Variants in GIGYF2 observed in about 807,000 individuals in gnomAD.
GIGYF2 encodes GRB10-interacting GYF protein 2.
A neutral mutation model predicts 208.1 loss-of-function variants in GIGYF2; 25 were observed. The ratio of observed to expected loss-of-function variants is 0.12; its 90% confidence interval spans 0.09 to 0.17. The LOEUF (loss-of-function observed/expected upper bound fraction) is 0.17. GIGYF2 is among the 10% of genes least tolerant of loss of function. GIGYF2 has a pLI of 1.00. For missense variants in GIGYF2, 1,302 were observed against 1,579.4 expected, an observed-to-expected ratio of 0.82 and a Z score of 2.98; for synonymous variants, 534 against 543.8, an observed-to-expected ratio of 0.98 and a Z score of 0.25.
At chr2:232,849,595 G>A (rs1284585594) in intron 27 of GIGYF2, among the ~76,000 whole-genome samples, 3 of 152,276 alleles carry the variant, frequency 2.0e-5, no homozygotes, top group South Asian at 2.1e-4. Flanking sequence ...ATGGGCGCAC[G>A]CATACACACA....
rs1574855601 is a variant in GIGYF2 at position 232,767,936 on chromosome 2, C to T, written c.532+6500C>T. The T allele has an allele frequency of 2.4e-5, 11 of 461,450 alleles. No homozygotes were observed. In the East Asian group the frequency reaches 4.6e-4, roughly 19 times the overall value. The allele number at this position is 461,450 out of a possible 1,614,324, so 28.6% of individuals were successfully genotyped here. On this transcript the variant is annotated intron_variant, in intron 8 of 28. Transcript: ENST00000373563. ...TCATACCACATTCTTATAAATTCAC[C>T]AGCAACATTTCTGTATAAGTGTCTG...
At chr2:232,855,614 TACCCTGAGTATCAAAAGCTCTGGGCCAG>T (rs1337896298) in intron 28 of GIGYF2, among the ~76,000 whole-genome samples, 26 of 152,318 alleles carry the variant, frequency 1.7e-4, no homozygotes, top group Non-Finnish European at 3.5e-4. Context: ...TGGAGCCTCT[TACCCTGAGTATCAAAAGCTCTGGGCCAG>T]AACTTTCATA....
chr2:232,828,242 C>T (rs1238041794), intron 21 of GIGYF2, among the ~76,000 whole-genome samples: 1 of 152,170 alleles, frequency 6.6e-6, no homozygotes, highest in African/African-American at 2.4e-5. Context: ...CTGCCTTGGC[C>T]TCCCAAAGTG....
chr2:232,843,985 A>T, intron 23 of GIGYF2, 61 bp from the exon 24 acceptor site: 1 of 1,475,266 alleles, frequency 6.8e-7, no homozygotes, highest in Non-Finnish European at 9.5e-7. Flanking sequence ...AGTATACTGG[A>T]TATTTATAAC....
At chr2:232,756,195 CTCTT>C (rs1698531209) in intron 5 of GIGYF2, 24 bp from the exon 6 acceptor site, 1 of 1,023,760 alleles carries the variant, frequency 9.8e-7, no homozygotes, top group African/African-American at 2.0e-5. Context: ...TTTCCTTTTT[CTCTT>C]TTTTTTTTTT....
chr2:232,702,468 C>G (rs903337874), intron 1 of GIGYF2, among the ~76,000 whole-genome samples: 1 of 151,778 alleles, frequency 6.6e-6, no homozygotes, highest in Non-Finnish European at 1.5e-5. Flanking sequence ...CTATCTGTCT[C>G]TATCTAGTTG....
At chr2:232,719,927 A>G (rs1173399573) in intron 2 of GIGYF2, among the ~76,000 whole-genome samples, 2 of 151,858 alleles carry the variant, frequency 1.3e-5, no homozygotes, top group African/African-American at 4.8e-5. Flanking sequence ...TTTTTGTTAT[A>G]GATTAAGTTC....
intron 1 of GIGYF2, chr2:232,700,460 TA>T (rs1455694063): frequency 6.6e-6 from 1 of 152,236 alleles, no homozygotes; most frequent in Non-Finnish European, 1.5e-5. Context: ...CTGTCGCTTT[TA>T]TGATTGCCCT....
intron 8 of GIGYF2, among the ~76,000 whole-genome samples, chr2:232,780,625 C>T (rs1183261027): frequency 6.6e-6 from 1 of 152,148 alleles, no homozygotes; most frequent in Non-Finnish European, 1.5e-5. Context: ...CATTCATTGA[C>T]TGTAGATTAA....
chr2:232,779,099 A>G (rs1266826791), intron 8 of GIGYF2, among the ~76,000 whole-genome samples: 2 of 152,150 alleles, frequency 1.3e-5, no homozygotes, highest in African/African-American at 4.8e-5. Context: ...TGACACGGAT[A>G]TTGGCACAGA....
chr2:232,824,654 A>G (rs1651902414), intron 21 of GIGYF2, among the ~76,000 whole-genome samples: 1 of 152,258 alleles, frequency 6.6e-6, no homozygotes, highest in African/African-American at 2.4e-5. Context: ...TGAAGCAGCT[A>G]GTGCTGATGT....
chr2:232,701,455 G>A (rs1695840451), intron 1 of GIGYF2, among the ~76,000 whole-genome samples: 1 of 149,404 alleles, frequency 6.7e-6, no homozygotes, highest in African/African-American at 2.4e-5. Context: ...AAAAAGACAG[G>A]GTCTTGCTCT....
intron 2 of GIGYF2, among the ~76,000 whole-genome samples, chr2:232,725,525 A>G (rs1406580110): frequency 2.0e-5 from 3 of 152,224 alleles, no homozygotes; most frequent in Non-Finnish European, 1.5e-5. Context: ...ATTGGGCCAA[A>G]GAATCTATGT....
At chr2:232,849,225 C>T (rs1010435253) in intron 27 of GIGYF2, among the ~76,000 whole-genome samples, 7 of 152,030 alleles carry the variant, frequency 4.6e-5, no homozygotes, top group African/African-American at 1.7e-4. Flanking sequence ...AGTGCAGTAG[C>T]GCGATCTCAG....
intron 28 of GIGYF2, among the ~76,000 whole-genome samples, chr2:232,855,048 C>T (rs540692689): frequency 1.8e-4 from 27 of 148,892 alleles, no homozygotes; most frequent in African/African-American, 5.2e-4. Flanking sequence ...ATTGGGCATT[C>T]GGCATTAGGT....
chr2:232,793,529 A>T (rs763844606), intron 12 of GIGYF2, among the ~76,000 whole-genome samples: 1 of 152,110 alleles, frequency 6.6e-6, no homozygotes, highest in Non-Finnish European at 1.5e-5. Flanking sequence ...CACACTGGGG[A>T]GAGGAGAGAG....
intron 8 of GIGYF2, among the ~76,000 whole-genome samples, chr2:232,781,978 A>T (rs149264575): frequency 6.6e-6 from 1 of 152,324 alleles, no homozygotes; most frequent in African/African-American, 2.4e-5. Context: ...GTTATTATGA[A>T]GATCAGATAA....
Position 232,794,347 on chromosome 2 carries a change from T to C in GIGYF2, c.1283-401T>C, listed in dbSNP as rs1239465066. Among the ~76,000 whole-genome samples the C allele has an allele frequency of 3.3e-5, 5 of 152,222 alleles. No homozygotes were observed. In the East Asian group the frequency reaches 9.6e-4, roughly 29 times the overall value. ...GGTACTTACTGAGCATAATCATTGA[T>C]ATTTTCAGTAAAGGTTTTGATGAGA... On this transcript the variant is annotated intron_variant, in intron 12 of 28. Transcript: ENST00000373563.
chr2:232,828,467 G>T (rs2106404787), intron 21 of GIGYF2, among the ~76,000 whole-genome samples: 1 of 147,828 alleles, frequency 6.8e-6, no homozygotes, highest in Non-Finnish European at 1.5e-5. Flanking sequence ...TTGTTCGTTT[G>T]TTTGAGTCCA....
Sources: allele counts gnomAD v4.1 joint callset (sites outside exome capture counted in the v4.1 genomes callset), GRCh38; gene constraint gnomAD v4.1.1; transcripts MANE v1.5; gene names NCBI Gene and HGNC (gene_info 2026-07-23, HGNC 2026-07-21).